Variants in ZSCAN20 observed in about 807,000 individuals in gnomAD.
ZSCAN20 encodes zinc finger and SCAN domain-containing protein 20.
Under a neutral mutation model 97.1 loss-of-function variants are expected in ZSCAN20, and 39 were observed. That is an observed-to-expected ratio of 0.40 (90% confidence interval 0.31 to 0.52). The LOEUF (loss-of-function observed/expected upper bound fraction) is 0.52, where lower values mean the gene tolerates loss of function less well. ZSCAN20 is among the 20% of genes least tolerant of loss of function. The probability of loss-of-function intolerance (pLI) is 0.49; values close to 1 mark genes in which losing one functional copy is unlikely to be tolerated. For synonymous variants in ZSCAN20, 456 were observed against 467.3 expected (o/e 0.98, Z 0.31); for missense variants, 1,115 against 1,290.4 (o/e 0.86, Z 2.08).
Position 33,496,396 on chromosome 1 carries a change from TTGG to T in ZSCAN20, c.*923_*925del, listed in dbSNP as rs1405483196. On this transcript the variant is annotated 3_prime_UTR_variant, in exon 8 of 8. Transcript: ENST00000684572. ...ATTAAAGGACTTGGGATATCCAGAATTGGTGAAGTGATTTGAGCAAGGATGAGC... is the reference window on the plus strand; with the variant it reads ...ATTAAAGGACTTGGGATATCCAGAATTGAAGTGATTTGAGCAAGGATGAGC... The T allele has an allele frequency of 6.6e-6, 1 of 152,180 alleles. No individual in the cohort carries two copies. Among genetic ancestry groups the T allele is most frequent in the Non-Finnish European group, 1.5e-5 (1 of 68,036 alleles). 9.4% of individuals were successfully genotyped at this position (152,180 alleles called of 1,614,324 possible). A position where few individuals can be genotyped will look rare whatever the true frequency, so the allele number is the denominator to read the frequency against.
Position 33,495,122 on chromosome 1 carries a change from T to C in ZSCAN20, c.2778T>C (p.Thr926=), listed in dbSNP as rs1246488994. Residue 926 remains threonine (T), a synonymous_variant, in exon 8 of 8, where the codon ACT becomes ACC. Transcript: ENST00000684572. The part of the protein sequence containing the change: ...STLANHQRTH[T]GEKPYKCVDC... ...TGGCCAACCACCAGCGCACCCACAC[T>C]GGAGAGAAGCCGTATAAATGTGTGG... 1 of 1,613,386 alleles carries C rather than the reference T, an allele frequency of 6.2e-7. No homozygotes were observed. The highest frequency in any genetic ancestry group is 1.3e-5 in the African/African-American group (1 of 74,844).
Position 33,495,480 on chromosome 1 carries a change from A to C in ZSCAN20, c.*4A>C, listed in dbSNP as rs1652826803. Reference sequence around the variant, plus strand: ...TGCAGGAGGGAAGGCGTCGTAGGGGACAGTTTCCTCAACAACAAAGGAGGA... The same window carrying C: ...TGCAGGAGGGAAGGCGTCGTAGGGGCCAGTTTCCTCAACAACAAAGGAGGA... On this transcript the variant is annotated 3_prime_UTR_variant, in exon 8 of 8. Coordinates refer to ENST00000684572, the MANE Select transcript of ZSCAN20 (RefSeq NM_001377376.1). 6.6e-7 allele frequency: 1 copy of C among 1,506,520 alleles called. No individual in the cohort carries two copies. Among genetic ancestry groups the C allele is most frequent in the Non-Finnish European group, 8.9e-7 (1 of 1,126,892 alleles). The allele number at this position is 1,506,520 out of a possible 1,614,324, so 93.3% of individuals were successfully genotyped here.
rs574402195 is a variant in ZSCAN20 at position 33,499,092 on chromosome 1, C to G, written c.*3616C>G. ...AGGCGCTCTGGGTAGTCCGTCCTGC[C>G]TCATCTTGTTCTGGGGCCCCCAGTG... On this transcript the variant is annotated 3_prime_UTR_variant, in exon 8 of 8. Coordinates refer to ENST00000684572, the MANE Select transcript of ZSCAN20 (RefSeq NM_001377376.1). Among the ~76,000 whole-genome samples, 328 of 152,314 alleles carry G rather than the reference C, an allele frequency of 2.2e-3. 1 individual carries two copies. The highest frequency in any genetic ancestry group is 7.6e-3 in the African/African-American group (317 of 41,570).
rs1286479650 is a variant in ZSCAN20 at position 33,494,223 on chromosome 1, G to T, written c.1879G>T (p.Glu627Ter). 6.4e-7 allele frequency: 1 copy of T among 1,555,916 alleles called. No homozygotes were observed. The highest frequency in any genetic ancestry group is 8.7e-7 in the Non-Finnish European group (1 of 1,153,694). ...ATTTCTGTCCATTTTTTCAGGTTTT[G>T]AAATGAGGCATGAGGATGAAGACCA... ...LCPKAPDMGF[E>*]MRHEDEDQIS... Residue 627 changes from glutamate to a stop codon, truncating the protein, a stop_gained, in exon 8 of 8, where the codon GAA (glutamate) becomes TAA (stop). Transcript: ENST00000684572. LOFTEE classifies it high-confidence loss of function.
In ZSCAN20 at chr1:33,494,677, A is replaced by G; in HGVS notation, c.2333A>G (p.His778Arg). 6.2e-7 allele frequency: 1 copy of G among 1,613,772 alleles called. No homozygotes were observed. The highest frequency in any genetic ancestry group is 1.1e-5 in the South Asian group (1 of 91,052). The change falls in exon 8 of 8, where the codon CAT becomes CGT. Residue 778 changes from histidine to arginine, a missense_variant. Physicochemically the swap from His to Arg is conservative, Grantham distance 29. Around this residue, in one of 3 missense-constraint regions of ZSCAN20, gnomAD observed 554 missense variants for 584.9 expected, o/e 0.95. Coordinates refer to ENST00000684572, the MANE Select transcript of ZSCAN20 (RefSeq NM_001377376.1). ...CLECGKSFSD[H>R]SNLITHQRIH... ...GAATGTGGGAAAAGCTTTAGTGACCATTCTAATCTCATCACTCACCAGAGA... is the reference window on the plus strand; with the variant it reads ...GAATGTGGGAAAAGCTTTAGTGACCGTTCTAATCTCATCACTCACCAGAGA...
At chr1:33,489,322 C>A in intron 4 of ZSCAN20, 131 bp downstream of exon 4, 1 of 1,104,092 alleles carries the variant, frequency 9.1e-7, no homozygotes. Context: ...AGCCTTTGCC[C>A]TTCACCCCCA....
At chr1:33,489,696 T>A (rs1652521317) in intron 5 of ZSCAN20, 94 bp downstream of exon 5, 2 of 1,101,182 alleles carry the variant, frequency 1.8e-6, no homozygotes, top group Non-Finnish European at 2.7e-6. Flanking sequence ...GAATCATGGC[T>A]CTGCAGTCTC....
rs1380856603 is a variant in ZSCAN20 at position 33,501,261 on chromosome 1, A to T, written c.*5785A>T. Among the ~76,000 whole-genome samples, 2 of 152,218 alleles carry T rather than the reference A, an allele frequency of 1.3e-5. No homozygotes were observed. Among genetic ancestry groups the T allele is most frequent in the Admixed American group, 1.3e-4 (2 of 15,288 alleles). ...GCATCAGTAGTAGGGGCAGGAGCTC[A>T]CGCTAAACCCGGTTGGTGTGTCCTG... On this transcript the variant is annotated 3_prime_UTR_variant, in exon 8 of 8. Transcript: ENST00000684572.
rs1653042023 is a variant in ZSCAN20, at chr1:33,500,763, G to T, written c.*5287G>T. Among the ~76,000 whole-genome samples, 2 of 150,966 alleles carry T rather than the reference G, an allele frequency of 1.3e-5. No homozygotes were observed. Among genetic ancestry groups the T allele is most frequent in the South Asian group, 4.2e-4 (2 of 4,790 alleles). On this transcript the variant is annotated 3_prime_UTR_variant, in exon 8 of 8. Transcript: ENST00000684572. ...ACGGGAAGGGGGATCAGGAAAACAA[G>T]AATCAGTCTCTAAGCTGGTCCTGGA... is the stretch of plus-strand genomic sequence containing the variant.
chr1:33,492,391 G>A (rs556878666), intron 6 of ZSCAN20: 9 of 152,316 alleles, frequency 5.9e-5, no homozygotes, highest in Admixed American at 3.3e-4. Context: ...GGAGGAAAGT[G>A]TGTCCTCATT....
chr1:33,496,607 C>T lies in ZSCAN20; in HGVS notation c.*1131C>T, dbSNP rs998181488. 6.6e-6 allele frequency: 1 copy of T among 152,164 alleles called. No individual in the cohort carries two copies. Among genetic ancestry groups the T allele is most frequent in the Admixed American group, 6.5e-5 (1 of 15,278 alleles). The allele number at this position is 152,164 out of a possible 1,614,324, so 9.4% of individuals were successfully genotyped here. On this transcript the variant is annotated 3_prime_UTR_variant, in exon 8 of 8. Transcript: ENST00000684572. ...CTCAGGGGACAGTCCTACTTCTTGC[C>T]ATGCTTGGCTGATCATAGGTTAACC...
Position 33,495,507 on chromosome 1 carries a change from T to C in ZSCAN20, c.*31T>C. The C allele has an allele frequency of 6.7e-7, 1 of 1,490,586 alleles. No homozygotes were observed. The highest frequency in any genetic ancestry group is 1.4e-5 in the African/African-American group (1 of 71,510). 92.3% of individuals were successfully genotyped at this position (1,490,586 alleles called of 1,614,324 possible). ...AGTTTCCTCAACAACAAAGGAGGAC[T>C]CAATGTATATATCTTATATCATAAG... On this transcript the variant is annotated 3_prime_UTR_variant, in exon 8 of 8. Transcript: ENST00000684572.
At chr1:33,473,057 C>T (rs1348553137) in intron 1 of ZSCAN20, among the ~76,000 whole-genome samples, 3 of 151,896 alleles carry the variant, frequency 2.0e-5, no homozygotes, top group Non-Finnish European at 4.4e-5. Flanking sequence ...GCTTGAAGCC[C>T]GACCTTAAAA....
In ZSCAN20 at chr1:33,495,276, C is replaced by A; in HGVS notation, c.2932C>A (p.Gln978Lys). Residue 978 changes from glutamine to lysine, a missense_variant, in exon 8 of 8, where the codon CAG becomes AAG. By Grantham distance (53) the Gln-to-Lys change is moderately conservative. Coordinates refer to ENST00000684572, the MANE Select transcript of ZSCAN20 (RefSeq NM_001377376.1). The stretch of plus-strand genomic sequence containing the variant: ...TGACCGTTCTAACCTCATTACTCAC[C>A]AGAGGATTCATACGGGAGAGAAGCC... Reference protein sequence around the residue: ...FRDRSNLITHQRIHTGEKPYK... With the variant: ...FRDRSNLITHKRIHTGEKPYK... 1 of 1,611,698 alleles carries A rather than the reference C, an allele frequency of 6.2e-7. No individual in the cohort carries two copies. Among genetic ancestry groups the A allele is most frequent in the Non-Finnish European group, 8.5e-7 (1 of 1,178,480 alleles).
intron 7 of ZSCAN20, 141 bp from the exon 8 acceptor site, chr1:33,494,077 A>T (rs1652733993): frequency 3.8e-6 from 3 of 780,126 alleles, no homozygotes; most frequent in Non-Finnish European, 5.9e-6. Context: ...TGTTAGTCAC[A>T]TTTATAAGAT....
rs1323821007 is a variant in ZSCAN20, at chr1:33,498,794, C to T, written c.*3318C>T. Among the ~76,000 whole-genome samples the T allele has an allele frequency of 2.0e-5, 3 of 152,176 alleles. No individual in the cohort carries two copies. The stretch of plus-strand genomic sequence containing the variant: ...CTCCCCTTGATTTCTTCACCCTCCA[C>T]CTCAAGAAGGGCATTGGCTCCTCTG... On this transcript the variant is annotated 3_prime_UTR_variant, in exon 8 of 8. Transcript: ENST00000684572.
rs771917508 is a variant in ZSCAN20 at position 33,479,414 on chromosome 1, C to T, written c.126C>T (p.Gly42=). The part of the protein sequence containing the change: ...SESKLWEKDR[G]SVSGPEASRQ... ...CCAAACTCTGGGAGAAGGACCGTGG[C>T]TCTGTCTCTGGCCCAGAGGCCTCCC... is the stretch of plus-strand genomic sequence containing the variant. The change falls in exon 2 of 8, where the codon GGC becomes GGT. Residue 42 remains glycine (G), a synonymous_variant. Transcript: ENST00000684572. 3.7e-6 allele frequency: 6 copies of T among 1,614,138 alleles called. No homozygotes were observed. The South Asian group carries it at 5.5e-5, about 15-fold the overall frequency.
At chr1:33,476,324 G>A (rs1651938669) in intron 1 of ZSCAN20, among the ~76,000 whole-genome samples, 1 of 152,148 alleles carries the variant, frequency 6.6e-6, no homozygotes, top group Admixed American at 6.5e-5. Flanking sequence ...TTACGGTTAT[G>A]GTTCCTTAGA....
intron 1 of ZSCAN20, among the ~76,000 whole-genome samples, chr1:33,477,163 G>A (rs1651969176): frequency 6.6e-6 from 1 of 152,196 alleles, no homozygotes; most frequent in Non-Finnish European, 1.5e-5. Context: ...GCATGTCAAG[G>A]AACTCCTATC....
Sources: gnomAD v4.1 joint callset for allele counts (sites outside exome capture counted in the v4.1 genomes callset) on GRCh38, gnomAD v4.1.1 for gene constraint, gnomAD v4.1.1 regional missense constraint, MANE v1.5 for transcripts, NCBI Gene and HGNC (gene_info 2026-07-23, HGNC 2026-07-21) for gene names.